Variants in SYNE2 observed in about 807,000 individuals in gnomAD.
SYNE2 encodes the protein spectrin repeat containing nuclear envelope protein 2, also known as nesprin-2.
Under a neutral mutation model 856.3 loss-of-function variants are expected in SYNE2, and 431 were observed. The ratio of observed to expected loss-of-function variants is 0.50; its 90% CI spans 0.47 to 0.55. The LOEUF (loss-of-function observed/expected upper bound fraction) is 0.55, where lower values mean the gene tolerates loss of function less well. Among genes scored for constraint, SYNE2 ranks in the 20% least tolerant of loss-of-function variants. The probability of loss-of-function intolerance (pLI) is 0.00; values close to 1 mark genes in which losing one functional copy is unlikely to be tolerated. For synonymous variants in SYNE2, 2,923 were observed against 2,872.3 expected (o/e 1.02, Z -0.56); for missense variants, 8,129 against 8,023.2 (o/e 1.01, Z -0.50).
At chr14:63,805,636 A>G (rs1888334733) in intron 1 of SYNE2, among the ~76,000 whole-genome samples, 1 of 89,116 alleles carries the variant, frequency 1.1e-5, no homozygotes, top group Non-Finnish European at 2.8e-5. Context: ...CGGCCTTCCA[A>G]AGTGCTGATT....
At chr14:64,164,081 G>GGCTT (rs1428575433) in intron 89 of SYNE2, among the ~76,000 whole-genome samples, 5 of 130,976 alleles carry the variant, frequency 3.8e-5, no homozygotes, top group Admixed American at 7.5e-5. Context: ...CACCACGCCT[G>GGCTT]GCTTGCTTAT....
intron 26 of SYNE2, 35 bp from the exon 27 acceptor site, chr14:63,998,879 T>C (rs755541534): frequency 6.2e-7 from 1 of 1,612,088 alleles, no homozygotes; most frequent in Non-Finnish European, 8.5e-7. Flanking sequence ...ATTTTAAAAA[T>C]TAACTATTGT....
At chr14:64,111,220 G>C (rs1477573145) in intron 65 of SYNE2, among the ~76,000 whole-genome samples, 1 of 151,668 alleles carries the variant, frequency 6.6e-6, no homozygotes, top group Admixed American at 6.6e-5. Flanking sequence ...AAATGTGCGT[G>C]GCATATAACA....
intron 1 of SYNE2, among the ~76,000 whole-genome samples, chr14:63,879,626 T>C (rs1312356493): frequency 6.6e-6 from 1 of 152,252 alleles, no homozygotes; most frequent in Non-Finnish European, 1.5e-5. Flanking sequence ...TATGTAACTT[T>C]AGTAAGGAAC....
Position 64,065,494 on chromosome 14 carries a change from A to G in SYNE2, c.10275A>G (p.Arg3425=), listed in dbSNP as rs886285721. ...TAATGAAACTACGACAGATCCTTAG[A>G]CTCTTGAGACTCAGGTGCACAGAAA... ...EELMKLRQIL[R]LLRLRCTEND... is the part of the protein sequence containing the mutation. The change falls in exon 51 of 116, where the codon AGA becomes AGG. Residue 3425 remains arginine, a synonymous_variant. Transcript: ENST00000555002. 1.2e-6 allele frequency: 2 copies of G among 1,614,030 alleles called. No homozygotes were observed. Among genetic ancestry groups the G allele is most frequent in the Non-Finnish European group, 1.7e-6 (2 of 1,180,016 alleles).
chr14:63,962,636 G>T (rs2096336169), intron 9 of SYNE2, among the ~76,000 whole-genome samples: 1 of 151,930 alleles, frequency 6.6e-6, no homozygotes, highest in South Asian at 2.1e-4. Flanking sequence ...CTGCCTCACA[G>T]GCTTAAATGA....
At chr14:64,121,596 T>A (rs1354886399) in intron 68 of SYNE2, among the ~76,000 whole-genome samples, 1 of 152,238 alleles carries the variant, frequency 6.6e-6, no homozygotes, top group Admixed American at 6.5e-5. Context: ...TGTGGGTGTT[T>A]GTGTGTGTGC....
At position 64,165,362 on chromosome 14, in the gene SYNE2, T is replaced by C. The variant is rs1483267567; in HGVS notation, c.16557T>C (p.Asn5519=). The change falls in exon 90 of 116, where the codon AAT becomes AAC. Residue 5519 remains asparagine (N), a synonymous_variant. Coordinates refer to ENST00000555002, the MANE Select transcript of SYNE2 (RefSeq NM_182914.3). ...GTCTTATTATGCATGAAGAAGAGAA[T>C]TTGGATAGACTTCACCAACAGGAAA... ...LKGLIMHEEE[N]LDRLHQQEKE... The C allele has an allele frequency of 6.2e-7, 1 of 1,614,036 alleles. No individual in the cohort carries two copies.
chr14:64,006,972 A>G (rs1313574771), intron 30 of SYNE2, 71 bp from the exon 31 acceptor site: 4 of 1,246,400 alleles, frequency 3.2e-6, no homozygotes, highest in East Asian at 4.6e-5. Flanking sequence ...TGCCTCCCCA[A>G]GTTACCCATA....
At chr14:64,135,952 G>A (rs903804931) in intron 78 of SYNE2, among the ~76,000 whole-genome samples, 1 of 152,088 alleles carries the variant, frequency 6.6e-6, no homozygotes, top group Non-Finnish European at 1.5e-5. Flanking sequence ...TCAAATGCTG[G>A]CTCAGCCTAG....
intron 2 of SYNE2, among the ~76,000 whole-genome samples, chr14:63,926,374 C>T (rs1345078547): frequency 1.3e-5 from 2 of 152,122 alleles, no homozygotes; most frequent in Admixed American, 6.5e-5. Context: ...ATAATGTTTT[C>T]AAGATTCAGC....
intron 1 of SYNE2, among the ~76,000 whole-genome samples, chr14:63,863,781 C>G (rs1189004692): frequency 6.6e-6 from 1 of 152,046 alleles, no homozygotes; most frequent in Non-Finnish European, 1.5e-5. Flanking sequence ...TATTAGAATT[C>G]TGTTTATTAA....
intron 1 of SYNE2, among the ~76,000 whole-genome samples, chr14:63,862,902 A>G (rs2140207975): frequency 6.6e-6 from 1 of 151,758 alleles, no homozygotes; most frequent in East Asian, 1.9e-4. Context: ...GGTTCAAGTG[A>G]TTCTACTGCC....
At chr14:63,937,239 A>G (rs1177769119) in intron 2 of SYNE2, among the ~76,000 whole-genome samples, 1 of 152,170 alleles carries the variant, frequency 6.6e-6, no homozygotes, top group Non-Finnish European at 1.5e-5. Context: ...AACACAAACT[A>G]TTTGAGGCAT....
At chr14:64,065,330 G>A in intron 50 of SYNE2, 102 bp from the exon 51 acceptor site, 4 of 1,035,248 alleles carry the variant, frequency 3.9e-6, no homozygotes, top group Non-Finnish European at 5.8e-6. Flanking sequence ...AATACTTATG[G>A]AAGATTGAAA....
At chr14:63,968,281 G>T (rs1313917145) in intron 11 of SYNE2, among the ~76,000 whole-genome samples, 1 of 150,880 alleles carries the variant, frequency 6.6e-6, no homozygotes, top group South Asian at 2.1e-4. Flanking sequence ...AAATGGGATT[G>T]TGTTTTTATA....
At chr14:64,035,746 T>C (rs2097083109) in intron 45 of SYNE2, among the ~76,000 whole-genome samples, 1 of 151,904 alleles carries the variant, frequency 6.6e-6, no homozygotes, top group Non-Finnish European at 1.5e-5. Flanking sequence ...GGCTGGAGTG[T>C]AGTCATAGTG....
intron 31 of SYNE2, among the ~76,000 whole-genome samples, chr14:64,009,267 C>G (rs993454496): frequency 6.6e-6 from 1 of 152,014 alleles, no homozygotes; most frequent in African/African-American, 2.4e-5. Flanking sequence ...CACAGTGGCT[C>G]ACACCTATAT....
At chr14:63,831,845 G>A (rs1189635623) in intron 1 of SYNE2, among the ~76,000 whole-genome samples, 2 of 151,858 alleles carry the variant, frequency 1.3e-5, no homozygotes, top group East Asian at 1.9e-4. Context: ...CACCCAGCAT[G>A]AATATAATGT....
Sources: allele counts gnomAD v4.1 joint callset (sites outside exome capture counted in the v4.1 genomes callset), GRCh38; gene constraint gnomAD v4.1.1; transcripts MANE v1.5; gene names NCBI Gene and HGNC (gene_info 2026-07-23, HGNC 2026-07-21).